The following CC2D2A variants were observed in gnomAD, a reference collection of about 807,000 sequenced individuals.
CC2D2A encodes the protein coiled-coil and C2 domain containing 2A.
Under a neutral mutation model 212.9 loss-of-function variants are expected in CC2D2A, and 155 were observed. The ratio of observed to expected loss-of-function variants is 0.73; its 90% confidence interval spans 0.64 to 0.83. CC2D2A has a LOEUF of 0.83. CC2D2A is among the 40% of genes least tolerant of loss of function. The pLI, the probability that CC2D2A is intolerant of heterozygous loss-of-function variation, is 0.00. For synonymous variants in CC2D2A, 667 were observed against 686.5 expected (o/e 0.97, Z 0.44); for missense variants, 1,856 against 1,956.2 (o/e 0.95, Z 0.97).
chr4:15,595,998 C>A, intron 33 of CC2D2A, 87 bp from the exon 34 acceptor site: 3 of 901,534 alleles, frequency 3.3e-6, no homozygotes, highest in Non-Finnish European at 4.6e-6. Flanking sequence ...CTCTCTGCTG[C>A]CTCTATGCCA....
In CC2D2A at chr4:15,493,118, CTT is replaced by C. The variant is rs1715406886; in HGVS notation, c.248-9309_248-9308del. On this transcript the variant is annotated intron_variant, in intron 4 of 36. Transcript: ENST00000424120. ...ATCAGGCTTAGCCCTATCTCAGTGTCTTTGCATCAGATAGTACCCTACCTGTA... is the reference window on the plus strand; with the variant it reads ...ATCAGGCTTAGCCCTATCTCAGTGTCTGCATCAGATAGTACCCTACCTGTA... 4 of 312,990 alleles carry C rather than the reference CTT, an allele frequency of 1.3e-5. 1 individual carries two copies. Among genetic ancestry groups the C allele is most frequent in the South Asian group, 1.1e-4 (4 of 35,140 alleles). 19.4% of individuals were successfully genotyped at this position (312,990 alleles called of 1,614,324 possible).
chr4:15,556,044 TTAAG>T (rs1254574132), intron 20 of CC2D2A, among the ~76,000 whole-genome samples: 5 of 152,268 alleles, frequency 3.3e-5, no homozygotes, highest in Non-Finnish European at 4.4e-5. Context: ...TAGGTTTCAC[TTAAG>T]TATTTACCAG....
intron 30 of CC2D2A, among the ~76,000 whole-genome samples, chr4:15,583,598 T>G (rs962773551): frequency 2.6e-5 from 4 of 152,050 alleles, no homozygotes; most frequent in Non-Finnish European, 4.4e-5. Context: ...CTACAAAAAT[T>G]TATAAGATAC....
intron 11 of CC2D2A, among the ~76,000 whole-genome samples, chr4:15,522,817 G>T (rs1317598260): frequency 3.9e-5 from 6 of 152,040 alleles, no homozygotes. Flanking sequence ...GCAAAGTAGG[G>T]TTAAAGTTGT....
At chr4:15,519,491 G>T (rs1166517884) in intron 11 of CC2D2A, 1 of 447,436 alleles carries the variant, frequency 2.2e-6, no homozygotes, top group African/African-American at 2.0e-5. Flanking sequence ...CCACATTTTT[G>T]GGTATCTTTT....
intron 36 of CC2D2A, among the ~76,000 whole-genome samples, chr4:15,600,915 A>AAG (rs1553845802): frequency 4.6e-5 from 6 of 129,360 alleles, no homozygotes; most frequent in Non-Finnish European, 7.0e-5. Flanking sequence ...AAAAAAAAAA[A>AAG]AAAAAAGAAA....
chr4:15,595,795 G>C (rs1218242252), intron 33 of CC2D2A: 1 of 198,458 alleles, frequency 5.0e-6, no homozygotes. Context: ...AAGTGGCCTT[G>C]GTTTTTATAA....
intron 4 of CC2D2A, chr4:15,482,261 T>C (rs1486945055): frequency 1.0e-6 from 1 of 984,190 alleles, no homozygotes; most frequent in African/African-American, 1.7e-5. Context: ...GAACCAAAAT[T>C]TATCTCATAT....
At chr4:15,587,572 T>C (rs1720906580) in intron 31 of CC2D2A, among the ~76,000 whole-genome samples, 1 of 152,224 alleles carries the variant, frequency 6.6e-6, no homozygotes, top group Non-Finnish European at 1.5e-5. Flanking sequence ...TCCCCGACCC[T>C]ACCACAATCA....
intron 10 of CC2D2A, 45 bp downstream of exon 10, chr4:15,516,049 G>A (rs565138006): frequency 6.8e-7 from 1 of 1,475,682 alleles, no homozygotes; most frequent in Non-Finnish European, 9.0e-7. Flanking sequence ...GGGCACACTA[G>A]ACATAGCTTT....
chr4:15,528,557 C>CCAGTTG, intron 12 of CC2D2A, 63 bp from the exon 13 acceptor site: 2 of 1,361,850 alleles, frequency 1.5e-6, no homozygotes, highest in South Asian at 2.4e-5. Flanking sequence ...GTGGGTGGGT[C>CCAGTTG]CAGTTGCACT....
intron 19 of CC2D2A, among the ~76,000 whole-genome samples, chr4:15,554,598 C>A (rs1310139423): frequency 2.0e-5 from 3 of 152,350 alleles, no homozygotes; most frequent in African/African-American, 7.2e-5. Context: ...ATCATTTGAA[C>A]CTAGCAAGTA....
Position 15,574,335 on chromosome 4 carries a change from T to C in CC2D2A, c.3771+9T>C. 1 of 1,536,362 alleles carries C rather than the reference T, an allele frequency of 6.5e-7. No homozygotes were observed. The highest frequency in any genetic ancestry group is 8.8e-7 in the Non-Finnish European group (1 of 1,138,684). ...AGTCCATTCGAGAAAAGGTAACTAC[T>C]TATAGTTTGGAAACCCATGTCTATG... On this transcript the variant is annotated intron_variant, in intron 29 of 36. Coordinates refer to ENST00000424120, the MANE Select transcript of CC2D2A (RefSeq NM_001378615.1).
rs190028911 is a variant in CC2D2A, at chr4:15,544,328, T to A, written c.2181+3314T>A. Among the ~76,000 whole-genome samples, 24 of 152,080 alleles carry A rather than the reference T, an allele frequency of 1.6e-4. No homozygotes were observed. In the East Asian group the frequency reaches 3.1e-3, roughly 20 times the overall value. The stretch of plus-strand genomic sequence containing the variant: ...TCTGCAGGCATCAATAGTGAAGAGG[T>A]CAGTATTCAGAGTTCTGCCTCCTAG... On this transcript the variant is annotated intron_variant, in intron 17 of 36. Coordinates refer to ENST00000424120, the MANE Select transcript of CC2D2A (RefSeq NM_001378615.1).
Position 15,570,630 on chromosome 4 carries a change from A to G in CC2D2A, c.3594+134A>G, listed in dbSNP as rs919524777. 2.0e-5 allele frequency: 11 copies of G among 555,870 alleles called. No homozygotes were observed. The East Asian group carries it at 3.5e-4, about 18-fold the overall frequency. 34.4% of individuals were successfully genotyped at this position (555,870 alleles called of 1,614,324 possible). ...AGCACTTTGGGAGGCCAAGGAGGGCACATCATCTGAGGTCAGGAGTTGGAG... is the reference window on the plus strand; with the variant it reads ...AGCACTTTGGGAGGCCAAGGAGGGCGCATCATCTGAGGTCAGGAGTTGGAG... On this transcript the variant is annotated intron_variant, in intron 28 of 36. Transcript: ENST00000424120.
intron 4 of CC2D2A, among the ~76,000 whole-genome samples, chr4:15,494,430 C>T (rs1017590576): frequency 2.0e-5 from 3 of 152,162 alleles, no homozygotes; most frequent in Non-Finnish European, 2.9e-5. Flanking sequence ...CCAGAGAAGT[C>T]CCTCCAGAGC....
At chr4:15,561,098 G>C (rs1366180171) in intron 23 of CC2D2A, among the ~76,000 whole-genome samples, 1 of 152,210 alleles carries the variant, frequency 6.6e-6, no homozygotes, top group African/African-American at 2.4e-5. Flanking sequence ...GCTGGTGCAT[G>C]TGCTTGGTGA....
intron 19 of CC2D2A, among the ~76,000 whole-genome samples, chr4:15,553,904 C>T (rs1410205102): frequency 1.3e-5 from 2 of 152,158 alleles, no homozygotes; most frequent in Non-Finnish European, 2.9e-5. Context: ...TGTCTACAGT[C>T]AATCATTTCA....
At chr4:15,537,669 T>G (rs1193103264) in intron 15 of CC2D2A, among the ~76,000 whole-genome samples, 1 of 152,168 alleles carries the variant, frequency 6.6e-6, no homozygotes, top group African/African-American at 2.4e-5. Flanking sequence ...TTTTTAGGCA[T>G]TTCAACAGTC....
Sources: allele counts gnomAD v4.1 joint callset (sites outside exome capture counted in the v4.1 genomes callset), GRCh38; gene constraint gnomAD v4.1.1; transcripts MANE v1.5; gene names NCBI Gene and HGNC (gene_info 2026-07-23, HGNC 2026-07-21).